Variants in WBP1L observed in about 807,000 individuals in gnomAD.
WBP1L encodes the protein WW domain binding protein 1 like, also known as WW domain binding protein 1-like.
In WBP1L, 17 loss-of-function variants were observed where a neutral mutation model predicts 33.7. The ratio of observed to expected loss-of-function variants is 0.50; its 90% confidence interval spans 0.34 to 0.76. The LOEUF (loss-of-function observed/expected upper bound fraction) is 0.76, where lower values mean the gene tolerates loss of function less well. WBP1L is among the 30% of genes least tolerant of loss of function. The pLI, the probability that WBP1L is intolerant of heterozygous loss-of-function variation, is 0.01. For missense variants in WBP1L, 389 were observed against 469.4 expected, an observed-to-expected ratio of 0.83 and a Z score of 1.58; for synonymous variants, 173 against 190.8, an observed-to-expected ratio of 0.91 and a Z score of 0.77.
rs1394271676 is a variant in WBP1L, at chr10:102,809,883, C to T, written c.194-10C>T. 6.2e-7 allele frequency: 1 copy of T among 1,605,284 alleles called. No homozygotes were observed. Among genetic ancestry groups the T allele is most frequent in the Admixed American group, 1.7e-5 (1 of 58,698 alleles). ...GTGTGCCTCTCTGTCTTGCCTTGCC[C>T]ACCCCCCAGGGTTCTGGCTGGTGTG... is the stretch of plus-strand genomic sequence containing the variant. On this transcript the variant is annotated splice_polypyrimidine_tract_variant and intron_variant, in intron 2 of 3. Transcript: ENST00000448841.
intron 1 of WBP1L, among the ~76,000 whole-genome samples, chr10:102,764,689 T>G (rs1017140382): frequency 2.0e-5 from 3 of 152,220 alleles, no homozygotes; most frequent in Non-Finnish European, 4.4e-5. Flanking sequence ...TAAATTGTCC[T>G]AATGTTTTCT....
At chr10:102,763,119 A>G (rs1843063492) in intron 1 of WBP1L, among the ~76,000 whole-genome samples, 1 of 148,954 alleles carries the variant, frequency 6.7e-6, no homozygotes. Context: ...TGGGAGGATC[A>G]CTTGAGACTG....
chr10:102,756,396 C>G (rs1223097779), intron 1 of WBP1L, among the ~76,000 whole-genome samples: 1 of 151,918 alleles, frequency 6.6e-6, no homozygotes, highest in Non-Finnish European at 1.5e-5. Context: ...GGTGACAGAG[C>G]AAGACTCTGT....
At chr10:102,797,117 T>C (rs956876601) in intron 1 of WBP1L, among the ~76,000 whole-genome samples, 4 of 152,226 alleles carry the variant, frequency 2.6e-5, no homozygotes, top group Non-Finnish European at 1.5e-5. Context: ...AGTTCGGCCC[T>C]TTATTGAAAA....
intron 1 of WBP1L, among the ~76,000 whole-genome samples, chr10:102,766,852 A>G (rs899694026): frequency 6.6e-6 from 1 of 152,064 alleles, no homozygotes; most frequent in Non-Finnish European, 1.5e-5. Context: ...AAAGCAAAAA[A>G]CAAATTTCAT....
intron 1 of WBP1L, among the ~76,000 whole-genome samples, chr10:102,796,998 A>G (rs1000621612): frequency 6.6e-6 from 1 of 152,186 alleles, no homozygotes; most frequent in African/African-American, 2.4e-5. Flanking sequence ...AGTGCCCTTT[A>G]TGTGAGTGTC....
At chr10:102,766,122 A>T (rs1452423010) in intron 1 of WBP1L, among the ~76,000 whole-genome samples, 3 of 152,092 alleles carry the variant, frequency 2.0e-5, no homozygotes, top group African/African-American at 7.2e-5. Flanking sequence ...CAACATAGGA[A>T]GACCCTGCCT....
At chr10:102,805,507 C>T (rs571344100) in intron 2 of WBP1L, among the ~76,000 whole-genome samples, 1 of 151,856 alleles carries the variant, frequency 6.6e-6, no homozygotes, top group African/African-American at 2.4e-5. Context: ...AAGCAATCCT[C>T]TCATCTCAGC....
rs1032765664 is a variant in WBP1L at position 102,816,250 on chromosome 10, T to C, written c.*2919T>C. The C allele has an allele frequency of 1.3e-5, 2 of 152,588 alleles. No homozygotes were observed. The highest frequency in any genetic ancestry group is 4.8e-5 in the African/African-American group (2 of 41,408). 9.5% of individuals were successfully genotyped at this position (152,588 alleles called of 1,614,324 possible). On this transcript the variant is annotated 3_prime_UTR_variant, in exon 4 of 4. Coordinates refer to ENST00000448841, the MANE Select transcript of WBP1L (RefSeq NM_001083913.2). ...CCACTGTGAGAAGCCCAAATAAAAATTGATCCCAAAAATGCTACTGCTCTT... is the reference window on the plus strand; with the variant it reads ...CCACTGTGAGAAGCCCAAATAAAAACTGATCCCAAAAATGCTACTGCTCTT...
chr10:102,776,540 C>T (rs777101182), intron 1 of WBP1L: 2 of 1,299,188 alleles, frequency 1.5e-6, no homozygotes, highest in South Asian at 1.2e-5. Context: ...CAGGCCAGCT[C>T]CCACACAGAA....
chr10:102,775,592 A>C (rs866997414), intron 1 of WBP1L, among the ~76,000 whole-genome samples: 1 of 152,310 alleles, frequency 6.6e-6, no homozygotes, highest in South Asian at 2.1e-4. Flanking sequence ...CAGTTTGTTT[A>C]TGAAATATAA....
intron 1 of WBP1L, among the ~76,000 whole-genome samples, chr10:102,790,508 A>G (rs1032298931): frequency 2.6e-5 from 4 of 151,898 alleles, no homozygotes; most frequent in Non-Finnish European, 4.4e-5. Context: ...CTTCAACAGA[A>G]CTTTATTTTT....
intron 1 of WBP1L, among the ~76,000 whole-genome samples, chr10:102,784,563 C>T (rs917480999): frequency 6.6e-6 from 1 of 150,848 alleles, no homozygotes; most frequent in Non-Finnish European, 1.5e-5. Context: ...GTAGCTGGGA[C>T]TACAGGCGCC....
In WBP1L at chr10:102,805,195, T is replaced by C. The variant is rs781740301; in HGVS notation, c.194-4698T>C. On this transcript the variant is annotated intron_variant, in intron 2 of 3. Coordinates refer to ENST00000448841, the MANE Select transcript of WBP1L (RefSeq NM_001083913.2). ...AGCTACTAGAGAGGCTAAAGTGGGCTCCTTGAGCCCAGGAGTTGGAGGCTG... is the reference window on the plus strand; with the variant it reads ...AGCTACTAGAGAGGCTAAAGTGGGCCCCTTGAGCCCAGGAGTTGGAGGCTG... Among the ~76,000 whole-genome samples, 58 of 152,248 alleles carry C rather than the reference T, an allele frequency of 3.8e-4. 1 individual carries two copies. Among genetic ancestry groups the C allele is most frequent in the Middle Eastern group, 3.4e-3 (1 of 294 alleles).
chr10:102,780,689 T>A (rs549955023), intron 1 of WBP1L, among the ~76,000 whole-genome samples: 3 of 152,154 alleles, frequency 2.0e-5, no homozygotes, highest in Admixed American at 6.5e-5. Context: ...ATTCTGCAGG[T>A]GGTAGCAAAT....
At chr10:102,776,572 T>G (rs1843267012) in intron 1 of WBP1L, among the ~76,000 whole-genome samples, 1 of 152,172 alleles carries the variant, frequency 6.6e-6, no homozygotes, top group Non-Finnish European at 1.5e-5. Flanking sequence ...CCCTTCTTGT[T>G]TGCTAGTTGC....
chr10:102,762,113 A>G (rs1843049015), intron 1 of WBP1L, among the ~76,000 whole-genome samples: 1 of 152,154 alleles, frequency 6.6e-6, no homozygotes. Context: ...TCAGCTTCCC[A>G]AAGTGCTAAG....
At chr10:102,785,079 A>G (rs7904281) in intron 1 of WBP1L, among the ~76,000 whole-genome samples, 82,119 of 151,004 alleles carry the variant, frequency 0.54, 22,843 homozygotes, top group Middle Eastern at 0.64. Flanking sequence ...TCACCATGGT[A>G]GCCGGGCAGA....
chr10:102,808,887 A>G (rs1262436427), intron 2 of WBP1L, among the ~76,000 whole-genome samples: 1 of 152,122 alleles, frequency 6.6e-6, no homozygotes, highest in Non-Finnish European at 1.5e-5. Flanking sequence ...TAAGAAAGTG[A>G]AGCATTTTCT....
Sources: allele counts gnomAD v4.1 joint callset (sites outside exome capture counted in the v4.1 genomes callset), GRCh38; gene constraint gnomAD v4.1.1; transcripts MANE v1.5; gene names NCBI Gene and HGNC (gene_info 2026-07-23, HGNC 2026-07-21).